CHMP4B: variants seen among roughly 807,000 people sequenced by gnomAD.
CHMP4B encodes the protein SNF7 homolog associated with Alix 1.
CHMP4B carries 1 observed loss-of-function variant against 25.1 expected under a neutral mutation model. The ratio of observed to expected loss-of-function variants is 0.04; its 90% CI spans 0.01 to 0.19. The LOEUF is 0.19. Among genes scored for constraint, CHMP4B ranks in the 10% least tolerant of loss-of-function variants. The probability of loss-of-function intolerance (pLI) is 1.00; values close to 1 mark genes in which losing one functional copy is unlikely to be tolerated. For missense variants in CHMP4B, 151 were observed against 289.7 expected (o/e 0.52, Z 3.48); for synonymous variants, 101 against 115.6 (o/e 0.87, Z 0.81).
chr20:33,851,161 T>C lies in CHMP4B; in HGVS notation c.483+95T>C, dbSNP rs570167861. The C allele has an allele frequency of 7.2e-5, 59 of 820,162 alleles. 2 individuals are homozygous for C. In the South Asian group the frequency reaches 7.9e-4, roughly 11 times the overall value. 50.8% of individuals were successfully genotyped at this position (820,162 alleles called of 1,614,324 possible). A position where few individuals can be genotyped will look rare whatever the true frequency, so the allele number is the denominator to read the frequency against. On this transcript the variant is annotated intron_variant, in intron 3 of 4. Coordinates refer to ENST00000217402, the MANE Select transcript of CHMP4B (RefSeq NM_176812.5). ...TGAAGGCTCTCAGGCAGGGAGCATT[T>C]GGACTTGGACAGAGACAGGGCATGG...
At chr20:33,839,568 C>T (rs1979478751) in intron 1 of CHMP4B, among the ~76,000 whole-genome samples, 1 of 152,178 alleles carries the variant, frequency 6.6e-6, no homozygotes, top group Admixed American at 6.5e-5. Flanking sequence ...GAGGTTTTTA[C>T]TGCATACCAT....
At chr20:33,841,641 C>T (rs1979544467) in intron 1 of CHMP4B, among the ~76,000 whole-genome samples, 1 of 152,194 alleles carries the variant, frequency 6.6e-6, no homozygotes, top group South Asian at 2.1e-4. Flanking sequence ...CTTGCCCTGC[C>T]TTCTGAAACT....
chr20:33,815,794 C>G (rs983702663), intron 1 of CHMP4B, among the ~76,000 whole-genome samples: 1 of 152,182 alleles, frequency 6.6e-6, no homozygotes, highest in Non-Finnish European at 1.5e-5. Flanking sequence ...AACTCAAAGA[C>G]CAGTTCTGTT....
In CHMP4B at chr20:33,851,021, A is replaced by C; in HGVS notation, c.438A>C (p.Ser146=). The change falls in exon 3 of 5, where the codon TCA becomes TCC. Residue 146 remains serine (S), a synonymous_variant. Coordinates refer to ENST00000217402, the MANE Select transcript of CHMP4B (RefSeq NM_176812.5). ...ADQQELAEEI[S]TAISKPVGFG... is the part of the protein sequence containing the mutation. Reference sequence around the variant, plus strand: ...AGCAAGAACTTGCAGAGGAGATTTCAACAGCAATTTCGAAACCTGTAGGGT... The same window carrying C: ...AGCAAGAACTTGCAGAGGAGATTTCCACAGCAATTTCGAAACCTGTAGGGT... 3 of 1,614,082 alleles carry C rather than the reference A, an allele frequency of 1.9e-6. No homozygotes were observed. Among genetic ancestry groups the C allele is most frequent in the Non-Finnish European group, 2.5e-6 (3 of 1,179,898 alleles).
chr20:33,848,236 G>A (rs185378230), intron 1 of CHMP4B, among the ~76,000 whole-genome samples: 190 of 152,294 alleles, frequency 1.2e-3, no homozygotes, highest in African/African-American at 4.0e-3. Context: ...GTGGTTACCC[G>A]AGGGTTGAAC....
intron 1 of CHMP4B, among the ~76,000 whole-genome samples, chr20:33,833,301 G>C (rs1979305901): frequency 6.6e-6 from 1 of 152,118 alleles, no homozygotes; most frequent in Non-Finnish European, 1.5e-5. Context: ...TCCACCACCT[G>C]GTTGCCCCAG....
chr20:33,841,409 G>A lies in CHMP4B; in HGVS notation c.191-7058G>A, dbSNP rs115796111. On this transcript the variant is annotated intron_variant, in intron 1 of 4. Transcript: ENST00000217402. ...TAGCCTGAACTCTCCAGCTGTGTGG[G>A]AATAAATACAGCAATGTCAGGGACA... 2.0e-3 allele frequency among the ~76,000 whole-genome samples: 305 copies of A among 152,318 alleles called. 1 individual carries two copies. The highest frequency in any genetic ancestry group is 7.2e-3 in the African/African-American group (300 of 41,556).
chr20:33,838,878 A>G (rs945617900), intron 1 of CHMP4B, among the ~76,000 whole-genome samples: 1 of 152,016 alleles, frequency 6.6e-6, no homozygotes, highest in African/African-American at 2.4e-5. Flanking sequence ...GAGCAGGAGG[A>G]GGCAGCCCAG....
intron 1 of CHMP4B, among the ~76,000 whole-genome samples, chr20:33,842,367 G>C (rs1445897261): frequency 6.6e-6 from 1 of 152,138 alleles, no homozygotes; most frequent in African/African-American, 2.4e-5. Context: ...GATCACAGAT[G>C]ACACCCCCAT....
intron 1 of CHMP4B, among the ~76,000 whole-genome samples, chr20:33,838,651 C>A (rs982870256): frequency 6.6e-6 from 1 of 152,192 alleles, no homozygotes; most frequent in African/African-American, 2.4e-5. Context: ...ATTCTGCAGC[C>A]TGGCTGGTGT....
At chr20:33,819,813 T>C (rs761195525) in intron 1 of CHMP4B, among the ~76,000 whole-genome samples, 18 of 152,192 alleles carry the variant, frequency 1.2e-4, no homozygotes, top group South Asian at 2.1e-4. Context: ...GAATACAGAA[T>C]TGACTACACA....
chr20:33,827,377 G>A (rs1428975861), intron 1 of CHMP4B, among the ~76,000 whole-genome samples: 1 of 152,222 alleles, frequency 6.6e-6, no homozygotes, highest in African/African-American at 2.4e-5. Flanking sequence ...ACAGCCAGGT[G>A]TTGCTCCAAG....
rs556330396 is a variant in CHMP4B, at chr20:33,831,095, ATTTTTTTT to A, written c.191-17361_191-17354del. Among the ~76,000 whole-genome samples, 272 of 134,748 alleles carry A rather than the reference ATTTTTTTT, an allele frequency of 2.0e-3. 1 individual carries two copies. The highest frequency in any genetic ancestry group is 7.2e-3 in the African/African-American group (262 of 36,420). The allele number at this position is 134,748 out of a possible 152,430, so 88.4% of individuals were successfully genotyped here. On this transcript the variant is annotated intron_variant, in intron 1 of 4. Coordinates refer to ENST00000217402, the MANE Select transcript of CHMP4B (RefSeq NM_176812.5). The stretch of plus-strand genomic sequence containing the variant: ...AGCTGAGACTGCCTATGCTCAGCTA[ATTTTTTTT>A]TTTTTTTTTTCCAGATAGCTTTGTC...
rs917451771 is a variant in CHMP4B at position 33,811,350 on chromosome 20, A to T, written c.-119A>T. 2 of 817,538 alleles carry T rather than the reference A, an allele frequency of 2.4e-6. No homozygotes were observed. Among genetic ancestry groups the T allele is most frequent in the Non-Finnish European group, 3.2e-6 (2 of 622,160 alleles). 50.6% of individuals were successfully genotyped at this position (817,538 alleles called of 1,614,324 possible). ...TGCGGGGCGGAGGCGGAGGCGGAGG[A>T]GAGGCCTGCGGCGGCAGGGAGCGGC... On this transcript the variant is annotated 5_prime_UTR_variant, in exon 1 of 5. Coordinates refer to ENST00000217402, the MANE Select transcript of CHMP4B (RefSeq NM_176812.5).
intron 1 of CHMP4B, among the ~76,000 whole-genome samples, chr20:33,828,315 C>T (rs1979147484): frequency 6.6e-6 from 1 of 152,214 alleles, no homozygotes; most frequent in African/African-American, 2.4e-5. Context: ...ACACCTATCT[C>T]CTCATTCCAG....
chr20:33,838,950 A>G (rs1979461709), intron 1 of CHMP4B, among the ~76,000 whole-genome samples: 1 of 151,920 alleles, frequency 6.6e-6, no homozygotes, highest in Admixed American at 6.6e-5. Context: ...CTCCTTCCTT[A>G]TGCCCTGGGC....
At chr20:33,815,188 G>A (rs943407483) in intron 1 of CHMP4B, among the ~76,000 whole-genome samples, 3 of 152,184 alleles carry the variant, frequency 2.0e-5, no homozygotes, top group Non-Finnish European at 4.4e-5. Flanking sequence ...CAGGGTACTA[G>A]TATCTGCCTG....
chr20:33,820,872 C>T (rs1978920683), intron 1 of CHMP4B, among the ~76,000 whole-genome samples: 1 of 152,098 alleles, frequency 6.6e-6, no homozygotes, highest in African/African-American at 2.4e-5. Flanking sequence ...GAATCAGAAG[C>T]CTCTTAGCGG....
intron 1 of CHMP4B, among the ~76,000 whole-genome samples, chr20:33,811,998 G>C (rs1200170407): frequency 6.6e-6 from 1 of 151,886 alleles, no homozygotes; most frequent in African/African-American, 2.4e-5. Flanking sequence ...CCTAGCTACT[G>C]CCCCTGCCTC....
Sources: allele counts gnomAD v4.1 joint callset (sites outside exome capture counted in the v4.1 genomes callset), GRCh38; gene constraint gnomAD v4.1.1; transcripts MANE v1.5; gene names NCBI Gene and HGNC (gene_info 2026-07-23, HGNC 2026-07-21).